SLC2A14: variants seen among roughly 807,000 people sequenced by gnomAD.
The protein encoded by SLC2A14 is solute carrier family 2 member 14, also known as solute carrier family 2, facilitated glucose transporter member 14.
Under a neutral mutation model 43.0 loss-of-function variants are expected in SLC2A14, and 13 were observed. The ratio of observed to expected loss-of-function variants is 0.30; its 90% CI spans 0.20 to 0.48. The LOEUF is 0.48. SLC2A14 is among the 20% of genes least tolerant of loss of function. SLC2A14 has a pLI of 0.99. For synonymous variants in SLC2A14, 190 were observed against 233.8 expected (o/e 0.81, Z 1.71); for missense variants, 428 against 620.4 (o/e 0.69, Z 3.29).
rs184517264 is a variant in SLC2A14 at position 7,862,241 on chromosome 12, G to T, written c.18+7622C>A. Among the ~76,000 whole-genome samples, 1,063 of 135,888 alleles carry T rather than the reference G, an allele frequency of 7.8e-3. 7 individuals carry two copies. The highest frequency in any genetic ancestry group is 0.049 in the Middle Eastern group (9 of 184). 89.1% of individuals were successfully genotyped at this position (135,888 alleles called of 152,430 possible). A position where few individuals can be genotyped will look rare whatever the true frequency, so the allele number is the denominator to read the frequency against. Reference sequence around the variant, plus strand: ...ATCACGCCACTGCACTCCAGCCTGGGCTACAGAGCCAGACTTGTCTCTCAA... The same window carrying T: ...ATCACGCCACTGCACTCCAGCCTGGTCTACAGAGCCAGACTTGTCTCTCAA... On this transcript the variant is annotated intron_variant, in intron 2 of 10. Transcript: ENST00000431042.
intron 2 of SLC2A14, among the ~76,000 whole-genome samples, chr12:7,842,427 A>C (rs1196906504): frequency 1.3e-5 from 2 of 152,212 alleles, no homozygotes; most frequent in Admixed American, 1.3e-4. Context: ...AAGGGTTTTA[A>C]AAGTCATCTT....
In SLC2A14 at chr12:7,871,967, C is replaced by CA. The variant is rs1314738806; in HGVS notation, c.-58+839dup. The CA allele has an allele frequency of 1.3e-4, 120 of 928,144 alleles. No individual in the cohort carries two copies. In the Middle Eastern group the frequency reaches 1.7e-3, roughly 13 times the overall value. 57.5% of individuals were successfully genotyped at this position (928,144 alleles called of 1,614,324 possible). A position where few individuals can be genotyped will look rare whatever the true frequency, so the allele number is the denominator to read the frequency against. ...TAGAGGGCTGAGCATGGAAAAAAAA[C>CA]AAAAAAAAGAAAAAGAAAAAAAAAG... On this transcript the variant is annotated intron_variant, in intron 1 of 10. Coordinates refer to ENST00000431042, the MANE Select transcript of SLC2A14 (RefSeq NM_001286234.2).
rs118107419 is a variant in SLC2A14 at position 7,827,798 on chromosome 12, C to A, written c.677-116G>T. 5.1e-3 allele frequency: 7,664 copies of A among 1,512,218 alleles called. 246 individuals carry two copies. In the East Asian group the frequency reaches 0.061, roughly 12 times the overall value. 93.7% of individuals were successfully genotyped at this position (1,512,218 alleles called of 1,614,324 possible). Reference sequence around the variant, plus strand: ...GGTGAGGTGATGGGTAGCATCCATTCCTGAACCTGCCCTCTCACCTCATTC... The same window carrying A: ...GGTGAGGTGATGGGTAGCATCCATTACTGAACCTGCCCTCTCACCTCATTC... On this transcript the variant is annotated intron_variant, in intron 6 of 10. Coordinates refer to ENST00000431042, the MANE Select transcript of SLC2A14 (RefSeq NM_001286234.2).
intron 7 of SLC2A14, among the ~76,000 whole-genome samples, chr12:7,827,269 TC>T (rs1211365391): frequency 9.0e-6 from 1 of 110,860 alleles, no homozygotes; most frequent in Admixed American, 1.1e-4. Context: ...CTAATTTTTG[TC>T]TTTTTTTTTT....
intron 2 of SLC2A14, among the ~76,000 whole-genome samples, chr12:7,835,632 C>G (rs1865390661): frequency 1.3e-5 from 2 of 152,006 alleles, no homozygotes; most frequent in South Asian, 2.1e-4. Flanking sequence ...AGTATGATAA[C>G]CAGGTGGAAA....
chr12:7,830,455 T>C (rs1051528188), intron 4 of SLC2A14, among the ~76,000 whole-genome samples: 3 of 152,100 alleles, frequency 2.0e-5, no homozygotes, highest in African/African-American at 7.2e-5. Context: ...CCAGCCCTTT[T>C]TTACTTTCTA....
intron 2 of SLC2A14, among the ~76,000 whole-genome samples, chr12:7,862,876 T>G (rs12812273): frequency 0.11 from 16,756 of 151,948 alleles, 1,051 homozygotes; most frequent in African/African-American, 0.17. Context: ...GATGGGCACG[T>G]GGAGAACATT....
chr12:7,869,333 C>T (rs1415408982), intron 2 of SLC2A14, among the ~76,000 whole-genome samples: 1 of 152,054 alleles, frequency 6.6e-6, no homozygotes, highest in African/African-American at 2.4e-5. Flanking sequence ...GTAACTTAAC[C>T]ACCAGATGCT....
chr12:7,827,197 G>A (rs1034015210), intron 7 of SLC2A14, among the ~76,000 whole-genome samples: 2 of 149,170 alleles, frequency 1.3e-5, no homozygotes, highest in East Asian at 2.0e-4. Flanking sequence ...TGCAACCTCC[G>A]CCTCCCAGAT....
chr12:7,854,886 A>G (rs1212154700), intron 2 of SLC2A14, among the ~76,000 whole-genome samples: 1 of 148,108 alleles, frequency 6.8e-6, no homozygotes, highest in African/African-American at 2.5e-5. Flanking sequence ...TCTCAGCTCA[A>G]TGCAACCTCC....
At chr12:7,864,058 T>C (rs1175560204) in intron 2 of SLC2A14, among the ~76,000 whole-genome samples, 2 of 151,940 alleles carry the variant, frequency 1.3e-5, no homozygotes, top group African/African-American at 4.8e-5. Context: ...CCTCGTGATC[T>C]GCACGCCTCG....
rs772239409 is a variant in SLC2A14 at position 7,826,869 on chromosome 12, CT to C, written c.864+625del. On this transcript the variant is annotated intron_variant, in intron 7 of 10. Transcript: ENST00000431042. Reference sequence around the variant, plus strand: ...TCCTTCCTTCCTTTCTTTTTTCTTTCTTTCTTTCTTTCTTTCTTTCTTTCTT... The same window carrying C: ...TCCTTCCTTCCTTTCTTTTTTCTTTCTTCTTTCTTTCTTTCTTTCTTTCTT... Among the ~76,000 whole-genome samples the C allele has an allele frequency of 2.1e-4, 7 of 33,944 alleles. 1 individual carries two copies. The highest frequency in any genetic ancestry group is 9.2e-4 in the African/African-American group (6 of 6,522). The allele number at this position is 33,944 out of a possible 152,430, so 22.3% of individuals were successfully genotyped here.
At chr12:7,872,054 A>G (rs1291817632) in intron 1 of SLC2A14, 1 of 315,508 alleles carries the variant, frequency 3.2e-6, no homozygotes, top group Non-Finnish European at 4.6e-6. Context: ...AAATCAATGG[A>G]AATTCTAAAT....
chr12:7,840,036 C>T (rs989985962), intron 2 of SLC2A14: 60 of 332,476 alleles, frequency 1.8e-4, no homozygotes, highest in Non-Finnish European at 2.8e-4. Flanking sequence ...CACTTGAGCC[C>T]GGGAGGTCAA....
intron 10 of SLC2A14, among the ~76,000 whole-genome samples, chr12:7,817,457 A>G (rs1863549765): frequency 6.6e-6 from 1 of 151,460 alleles, no homozygotes; most frequent in African/African-American, 2.4e-5. Context: ...ATGTCAGCCT[A>G]CGTAGGCTGG....
chr12:7,874,216 C>A (rs1413767720), upstream of SLC2A14, among the ~76,000 whole-genome samples: 1 of 151,980 alleles, frequency 6.6e-6, no homozygotes, highest in Non-Finnish European at 1.5e-5. Flanking sequence ...TAATGGGGTA[C>A]AAATTGATAA....
chr12:7,863,037 T>C (rs986442826), intron 2 of SLC2A14, among the ~76,000 whole-genome samples: 20 of 152,170 alleles, frequency 1.3e-4, no homozygotes, highest in African/African-American at 4.6e-4. Context: ...TTGGGTGTCC[T>C]TTCAAACTGT....
intron 2 of SLC2A14, among the ~76,000 whole-genome samples, chr12:7,840,083 G>A (rs1865813766): frequency 7.1e-6 from 1 of 140,010 alleles, no homozygotes; most frequent in Non-Finnish European, 1.5e-5. Context: ...CTGAACTCCA[G>A]CCTGGGAGAC....
At chr12:7,862,529 G>C (rs545736129) in intron 2 of SLC2A14, among the ~76,000 whole-genome samples, 2 of 152,032 alleles carry the variant, frequency 1.3e-5, no homozygotes, top group Non-Finnish European at 2.9e-5. Context: ...CCTGCTCCAC[G>C]GCGCCCAGTC....
Sources: gnomAD v4.1 joint callset for allele counts (sites outside exome capture counted in the v4.1 genomes callset) on GRCh38, gnomAD v4.1.1 for gene constraint, MANE v1.5 for transcripts, NCBI Gene and HGNC (gene_info 2026-07-23, HGNC 2026-07-21) for gene names.